The following PCDH15 variants were observed in gnomAD, a reference collection of about 807,000 sequenced individuals.
The protein encoded by PCDH15 is protocadherin-15.
Under a neutral mutation model 178.5 loss-of-function variants are expected in PCDH15, and 129 were observed. The ratio of observed to expected loss-of-function variants is 0.72; its 90% CI spans 0.63 to 0.84. The LOEUF is 0.84. PCDH15 is among the 40% of genes least tolerant of loss of function. The pLI is 0.00. For missense variants in PCDH15, 2,230 were observed against 2,099.9 expected, an observed-to-expected ratio of 1.06 and a Z score of -1.21; for synonymous variants, 800 against 732.0, an observed-to-expected ratio of 1.09 and a Z score of -1.50.
intron 2 of PCDH15, among the ~76,000 whole-genome samples, chr10:55,472,064 A>T (rs566277460): frequency 6.6e-6 from 1 of 152,282 alleles, no homozygotes; most frequent in African/African-American, 2.4e-5. Flanking sequence ...GTTCATTTGA[A>T]TTCCAGATTT....
At chr10:55,059,536 A>T (rs2131997387) in intron 2 of PCDH15, among the ~76,000 whole-genome samples, 1 of 152,316 alleles carries the variant, frequency 6.6e-6, no homozygotes, top group South Asian at 2.1e-4. Flanking sequence ...GGGGTAACTC[A>T]GATGAACAAT....
chr10:54,598,563 C>T (rs2092356124), intron 2 of PCDH15, among the ~76,000 whole-genome samples: 1 of 151,864 alleles, frequency 6.6e-6, no homozygotes, highest in South Asian at 2.1e-4. Flanking sequence ...AAAACCAGCA[C>T]CAAAAAAATG....
intron 2 of PCDH15, among the ~76,000 whole-genome samples, chr10:55,083,244 C>T (rs1842087886): frequency 6.6e-6 from 1 of 151,666 alleles, no homozygotes; most frequent in African/African-American, 2.4e-5. Flanking sequence ...AAGGATGGTT[C>T]AACATATGCA....
intron 2 of PCDH15, among the ~76,000 whole-genome samples, chr10:55,462,795 C>T (rs1839707567): frequency 6.6e-6 from 1 of 151,942 alleles, no homozygotes; most frequent in Non-Finnish European, 1.5e-5. Flanking sequence ...GCTGAGTTTG[C>T]CAACTGCAGT....
At chr10:54,014,127 G>A (rs1224689378) in intron 20 of PCDH15, among the ~76,000 whole-genome samples, 1 of 151,988 alleles carries the variant, frequency 6.6e-6, no homozygotes, top group African/African-American at 2.4e-5. Context: ...AACACTCAGA[G>A]ACTATGAACA....
At chr10:55,158,174 A>G (rs1289621536) in intron 2 of PCDH15, among the ~76,000 whole-genome samples, 2 of 151,690 alleles carry the variant, frequency 1.3e-5, no homozygotes, top group Non-Finnish European at 2.9e-5. Flanking sequence ...ACACACACGC[A>G]CACACATTTG....
At chr10:54,866,129 A>G (rs1953937274) in intron 3 of PCDH15, among the ~76,000 whole-genome samples, 1 of 152,216 alleles carries the variant, frequency 6.6e-6, no homozygotes, top group African/African-American at 2.4e-5. Flanking sequence ...TACTTCAGCT[A>G]TGCACTCAGT....
intron 8 of PCDH15, among the ~76,000 whole-genome samples, chr10:54,263,016 C>T (rs1258795967): frequency 2.0e-5 from 3 of 152,188 alleles, no homozygotes; most frequent in African/African-American, 7.2e-5. Context: ...TGTGGCACTG[C>T]CCTGCCTGGA....
chr10:54,882,575 G>A (rs2131807534), intron 3 of PCDH15, among the ~76,000 whole-genome samples: 1 of 152,078 alleles, frequency 6.6e-6, no homozygotes. Context: ...TCTATTAAAT[G>A]AGGAATCTCA....
chr10:54,236,858 G>C lies in PCDH15; in HGVS notation c.950C>G (p.Ser317Ter). 6.2e-7 allele frequency: 1 copy of C among 1,613,572 alleles called. No homozygotes were observed. The highest frequency in any genetic ancestry group is 8.5e-7 in the Non-Finnish European group (1 of 1,179,614). Residue 317 changes from serine (S) to a stop codon, truncating the protein, a stop_gained, in exon 9 of 38, where the codon TCA (serine) becomes TGA (stop). Coordinates refer to ENST00000644397, the MANE Select transcript of PCDH15 (RefSeq NM_001384140.1). LOFTEE classifies it high-confidence loss of function. ...IDQDRNIQPP[S>*]DRPGILYSIL... ...GGAATAGAGGATTCCTGGCCTATCT[G>C]ATGGCGGTTGAATATTCCGGTCCTG...
chr10:54,438,801 T>G (rs1647208639), intron 3 of PCDH15, among the ~76,000 whole-genome samples: 1 of 152,038 alleles, frequency 6.6e-6, no homozygotes, highest in South Asian at 2.1e-4. Flanking sequence ...TCTCTTCCTA[T>G]TTGGAAGGAG....
intron 2 of PCDH15, among the ~76,000 whole-genome samples, chr10:55,423,948 A>G (rs980172805): frequency 6.6e-6 from 1 of 152,066 alleles, no homozygotes; most frequent in Non-Finnish European, 1.5e-5. Flanking sequence ...CAGTTTTAAA[A>G]GGGCTTTAGA....
chr10:55,089,611 T>C (rs1432013583), intron 2 of PCDH15, among the ~76,000 whole-genome samples: 2 of 152,238 alleles, frequency 1.3e-5, no homozygotes, highest in East Asian at 3.9e-4. Flanking sequence ...CCTGAAGAAT[T>C]TGTATCATTA....
At chr10:54,850,823 T>C (rs768139961) in intron 3 of PCDH15, among the ~76,000 whole-genome samples, 1 of 152,098 alleles carries the variant, frequency 6.6e-6, no homozygotes, top group Non-Finnish European at 1.5e-5. Context: ...GAAAATAATA[T>C]ATAAAACATC....
chr10:54,265,017 G>C (rs556133539), intron 8 of PCDH15, among the ~76,000 whole-genome samples: 53 of 152,116 alleles, frequency 3.5e-4, no homozygotes, highest in Non-Finnish European at 6.8e-4. Context: ...CTAGAGAAAA[G>C]AGCAACACTA....
At chr10:54,312,163 T>C (rs964595786) in intron 8 of PCDH15, among the ~76,000 whole-genome samples, 10 of 151,980 alleles carry the variant, frequency 6.6e-5, no homozygotes, top group Non-Finnish European at 1.5e-4. Flanking sequence ...TGAAATTTCA[T>C]GAAATTTTAG....
At chr10:54,293,588 C>A (rs1219700894) in intron 8 of PCDH15, among the ~76,000 whole-genome samples, 2 of 152,074 alleles carry the variant, frequency 1.3e-5, no homozygotes, top group Admixed American at 6.5e-5. Flanking sequence ...GGCTAATATC[C>A]AGAATCTACA....
chr10:54,970,454 T>A (rs1591812475), intron 2 of PCDH15, among the ~76,000 whole-genome samples: 1 of 152,140 alleles, frequency 6.6e-6, no homozygotes, highest in East Asian at 1.9e-4. Flanking sequence ...AGAGATTAAG[T>A]GGCTGTGATT....
intron 9 of PCDH15, among the ~76,000 whole-genome samples, chr10:54,223,381 A>G (rs2053077970): frequency 1.3e-5 from 2 of 148,674 alleles, no homozygotes; most frequent in East Asian, 3.9e-4. Flanking sequence ...TATCTTTTAG[A>G]TGCTTTATAG....
Sources: gnomAD v4.1 joint callset for allele counts (sites outside exome capture counted in the v4.1 genomes callset) on GRCh38, gnomAD v4.1.1 for gene constraint, MANE v1.5 for transcripts, NCBI Gene and HGNC (gene_info 2026-07-23, HGNC 2026-07-21) for gene names.